Variants in ATF3 observed in about 807,000 individuals in gnomAD.
ATF3 encodes activating transcription factor 3, also known as cyclic AMP-dependent transcription factor ATF-3.
A neutral mutation model predicts 18.4 loss-of-function variants in ATF3; 10 were observed. The observed-to-expected ratio is 0.54, with a 90% CI of 0.34 to 0.92. ATF3 has a LOEUF of 0.92. ATF3 is among the 40% of genes least tolerant of loss of function. The pLI, the probability that ATF3 is intolerant of heterozygous loss-of-function variation, is 0.02. For synonymous variants in ATF3, 78 were observed against 87.9 expected, an observed-to-expected ratio of 0.89 and a Z score of 0.63; for missense variants, 183 against 222.3, an observed-to-expected ratio of 0.82 and a Z score of 1.12.
intron 1 of ATF3, among the ~76,000 whole-genome samples, chr1:212,572,553 C>A (rs1393251273): frequency 6.6e-6 from 1 of 152,166 alleles, no homozygotes; most frequent in Non-Finnish European, 1.5e-5. Context: ...ATTTTATTTG[C>A]TGTTCATACT....
intron 1 of ATF3, among the ~76,000 whole-genome samples, chr1:212,589,847 G>T (rs1184491479): frequency 2.1e-5 from 3 of 143,928 alleles, no homozygotes; most frequent in Non-Finnish European, 3.0e-5. Context: ...TCAGTTTAAC[G>T]TTTCTGCAAT....
intron 1 of ATF3, among the ~76,000 whole-genome samples, chr1:212,592,255 T>A (rs994703785): frequency 2.6e-5 from 4 of 152,214 alleles, no homozygotes; most frequent in African/African-American, 7.2e-5. Context: ...ACAGCATTTT[T>A]AAAAATCTGG....
intron 1 of ATF3, among the ~76,000 whole-genome samples, chr1:212,592,756 G>A (rs1336285468): frequency 6.6e-6 from 1 of 152,006 alleles, no homozygotes; most frequent in Non-Finnish European, 1.5e-5. Flanking sequence ...CACAGCAAGA[G>A]GCCCTTGTAT....
intron 1 of ATF3, among the ~76,000 whole-genome samples, chr1:212,596,460 C>G (rs1279118630): frequency 6.6e-6 from 1 of 152,228 alleles, no homozygotes; most frequent in Admixed American, 6.5e-5. Flanking sequence ...ATAGAACAAG[C>G]CTCAGTTGTG....
intron 1 of ATF3, among the ~76,000 whole-genome samples, chr1:212,614,648 A>G (rs1177270378): frequency 6.6e-6 from 1 of 151,552 alleles, no homozygotes; most frequent in Admixed American, 6.6e-5. Flanking sequence ...GAGATTACTC[A>G]TGATTTTTAA....
intron 1 of ATF3, among the ~76,000 whole-genome samples, chr1:212,611,933 C>A (rs1158630046): frequency 6.6e-6 from 1 of 152,130 alleles, no homozygotes; most frequent in Admixed American, 6.5e-5. Context: ...GATCTGAGGT[C>A]CCCAAACAAT....
intron 1 of ATF3, among the ~76,000 whole-genome samples, chr1:212,583,369 C>T (rs1457342921): frequency 6.6e-6 from 1 of 152,132 alleles, no homozygotes; most frequent in Non-Finnish European, 1.5e-5. Context: ...AGTTTCATTT[C>T]TCTTTATCAG....
chr1:212,567,682 A>T (rs1180524634), intron 1 of ATF3, among the ~76,000 whole-genome samples: 1 of 152,236 alleles, frequency 6.6e-6, no homozygotes, highest in East Asian at 1.9e-4. Flanking sequence ...TAATAATTAT[A>T]ATAATAGTCT....
Position 212,619,768 on chromosome 1 carries a change from A to C in ATF3, c.*213A>C. 2 of 557,224 alleles carry C rather than the reference A, an allele frequency of 3.6e-6. No homozygotes were observed. The highest frequency in any genetic ancestry group is 2.0e-5 in the South Asian group (1 of 50,298). The allele number at this position is 557,224 out of a possible 1,614,324, so 34.5% of individuals were successfully genotyped here. Reference sequence around the variant, plus strand: ...ACCAGGGCAAGTGCATCTTTGCCTCAACTCCAGGATTTAGGCCTTAACACA... The same window carrying C: ...ACCAGGGCAAGTGCATCTTTGCCTCCACTCCAGGATTTAGGCCTTAACACA... On this transcript the variant is annotated 3_prime_UTR_variant, in exon 4 of 4. Coordinates refer to ENST00000341491, the MANE Select transcript of ATF3 (RefSeq NM_001674.4). This position sits in a 1 kb window ranked among gnomAD's most constrained non-coding sequence, Gnocchi z 4.4.
intron 1 of ATF3, among the ~76,000 whole-genome samples, chr1:212,575,642 T>C: frequency 6.6e-6 from 1 of 152,128 alleles, no homozygotes; most frequent in East Asian, 1.9e-4. Flanking sequence ...AATATTTGCT[T>C]GTAGAGTTTT....
upstream of ATF3, among the ~76,000 whole-genome samples, chr1:212,603,768 G>GTA (rs201013932): frequency 1.0e-5 from 1 of 97,178 alleles, no homozygotes; most frequent in Non-Finnish European, 2.1e-5. Context: ...AAATGTGTGT[G>GTA]TATATATATG....
At position 212,609,263 on chromosome 1, in the gene ATF3, G is replaced by A. The variant is rs531731328; in HGVS notation, c.-5+333G>A. 2.0e-5 allele frequency among the ~76,000 whole-genome samples: 3 copies of A among 152,316 alleles called. No individual in the cohort carries two copies. In the South Asian group the frequency reaches 6.2e-4, roughly 32 times the overall value. On this transcript the variant is annotated intron_variant, in intron 1 of 3. Coordinates refer to ENST00000341491, the MANE Select transcript of ATF3 (RefSeq NM_001674.4). ...GGCGCTGGCTTGCCCGGCTGGGAGA[G>A]GGCGTAAGGTGGGTGGGCGGGTGCG...
At chr1:212,571,380 A>G (rs914978671) in intron 1 of ATF3, among the ~76,000 whole-genome samples, 2 of 152,132 alleles carry the variant, frequency 1.3e-5, no homozygotes, top group African/African-American at 4.8e-5. Flanking sequence ...ACCCAGAACA[A>G]TGCATTAAAT....
intron 1 of ATF3, among the ~76,000 whole-genome samples, chr1:212,603,271 A>G (rs1226710397): frequency 1.3e-5 from 2 of 152,258 alleles, no homozygotes; most frequent in Non-Finnish European, 2.9e-5. Context: ...CTGTATTACT[A>G]GCCCATGCTG....
At chr1:212,603,819 A>G (rs955227794), upstream of ATF3, among the ~76,000 whole-genome samples, 4 of 151,400 alleles carry the variant, frequency 2.6e-5, no homozygotes, top group Admixed American at 6.6e-5. Context: ...AATCTTTTGT[A>G]TATATGCTAT....
intron 1 of ATF3, among the ~76,000 whole-genome samples, chr1:212,588,644 CAAA>C (rs71147010): frequency 1.5e-4 from 9 of 61,194 alleles, no homozygotes; most frequent in South Asian, 5.4e-4. Context: ...ACCACAACAA[CAAA>C]AAAACAGTCT....
intron 1 of ATF3, among the ~76,000 whole-genome samples, chr1:212,570,578 A>C (rs1236460788): frequency 6.6e-6 from 1 of 152,238 alleles, no homozygotes; most frequent in African/African-American, 2.4e-5. Context: ...AATGGAAATT[A>C]CCATCATCCC....
chr1:212,568,366 T>C (rs1284579285), intron 1 of ATF3, among the ~76,000 whole-genome samples: 2 of 152,246 alleles, frequency 1.3e-5, no homozygotes, highest in Admixed American at 6.5e-5. Flanking sequence ...ACAATTTTAT[T>C]AAGCCTCGTC....
At chr1:212,575,593 C>T (rs1664564171) in intron 1 of ATF3, among the ~76,000 whole-genome samples, 1 of 152,064 alleles carries the variant, frequency 6.6e-6, no homozygotes, top group Non-Finnish European at 1.5e-5. Context: ...TAATTTCTGA[C>T]TTTAATGAAA....
Sources: allele counts gnomAD v4.1 joint callset (sites outside exome capture counted in the v4.1 genomes callset), GRCh38; gene constraint gnomAD v4.1.1; non-coding constraint Gnocchi (gnomAD v3.1); transcripts MANE v1.5; gene names NCBI Gene and HGNC (gene_info 2026-07-23, HGNC 2026-07-21).